KANK1: variants seen among roughly 807,000 people sequenced by gnomAD.
KANK1 encodes KN motif and ankyrin repeat domains 1.
Under a neutral mutation model 106.2 loss-of-function variants are expected in KANK1, and 109 were observed. That is an observed-to-expected ratio of 1.03 (90% confidence interval 0.88 to 1.20). The LOEUF is 1.20. Ranked by LOEUF, KANK1 falls within the 50% of genes most tolerant of loss-of-function variation. The pLI is 0.00. For missense variants in KANK1, 2,399 were observed against 1,710.7 expected (o/e 1.40, Z -7.10); for synonymous variants, 873 against 652.2 (o/e 1.34, Z -5.16).
chr9:740,813 A>G lies in KANK1; in HGVS notation c.3575A>G (p.Gln1192Arg), dbSNP rs1167178306. The change falls in exon 9 of 12, where the codon CAG becomes CGG. Residue 1192 changes from glutamine to arginine, a missense_variant. Transcript: ENST00000382297. ...LDADVCNVDH[Q>R]NKAGYTPIML... The stretch of plus-strand genomic sequence containing the variant: ...ACAGATGTGTGTAATGTGGATCACC[A>G]GAACAAGGCAGGCTACACCCCCATC... 6.2e-7 allele frequency: 1 copy of G among 1,613,084 alleles called. No individual in the cohort carries two copies. The highest frequency in any genetic ancestry group is 8.5e-7 in the Non-Finnish European group (1 of 1,179,900).
chr9:656,220 C>G lies in KANK1; in HGVS notation c.-83-20670C>G, dbSNP rs190841729. On this transcript the variant is annotated intron_variant, in intron 1 of 11. Transcript: ENST00000382297. ...AGGTCCCACAGTCTGGCGCCTTTCC[C>G]AGCGTGGTGGAGTTGAGACCTTGCT... is the stretch of plus-strand genomic sequence containing the variant. Among the ~76,000 whole-genome samples, 210 of 152,210 alleles carry G rather than the reference C, an allele frequency of 1.4e-3. 1 individual carries two copies. Among genetic ancestry groups the G allele is most frequent in the South Asian group, 2.1e-4 (1 of 4,806 alleles).
intron 1 of KANK1, among the ~76,000 whole-genome samples, chr9:659,275 TG>T (rs1206193449): frequency 6.6e-5 from 10 of 152,202 alleles, no homozygotes; most frequent in Non-Finnish European, 1.5e-5. Context: ...TCTTGGCTCT[TG>T]GAGCCTTAGG....
At chr9:476,007 C>T (rs979913583) in intron 3 of KANK1, among the ~76,000 whole-genome samples, 11 of 151,964 alleles carry the variant, frequency 7.2e-5, no homozygotes, top group African/African-American at 2.7e-4. Context: ...TGCCTGCCAC[C>T]ACACCCGGCT....
At chr9:489,230 G>A (rs186039780) in intron 3 of KANK1, among the ~76,000 whole-genome samples, 72 of 151,968 alleles carry the variant, frequency 4.7e-4, no homozygotes, top group Non-Finnish European at 5.6e-4. Flanking sequence ...TGAAATCCTC[G>A]TGCAGTTTGG....
At chr9:617,439 C>T (rs781217177) in intron 1 of KANK1, among the ~76,000 whole-genome samples, 6 of 152,170 alleles carry the variant, frequency 3.9e-5, no homozygotes, top group South Asian at 2.1e-4. Context: ...CATGTTCACA[C>T]GGGTTTATCT....
chr9:612,829 C>G (rs2136188325), intron 1 of KANK1, among the ~76,000 whole-genome samples: 1 of 152,190 alleles, frequency 6.6e-6, no homozygotes, highest in Middle Eastern at 3.4e-3. Flanking sequence ...CAGCAGCTCT[C>G]CTAATGGGGA....
chr9:497,870 C>T (rs747568091), intron 3 of KANK1, among the ~76,000 whole-genome samples: 1 of 151,990 alleles, frequency 6.6e-6, no homozygotes, highest in Admixed American at 6.6e-5. Context: ...CACACACACA[C>T]ACCCACACAC....
chr9:651,749 T>G (rs1443421749), intron 1 of KANK1, among the ~76,000 whole-genome samples: 1 of 152,236 alleles, frequency 6.6e-6, no homozygotes, highest in African/African-American at 2.4e-5. Flanking sequence ...GATTTTCAGT[T>G]CTTAGACTTG....
intron 3 of KANK1, among the ~76,000 whole-genome samples, chr9:497,272 G>A (rs1305078561): frequency 1.3e-5 from 2 of 152,172 alleles, no homozygotes; most frequent in Non-Finnish European, 2.9e-5. Flanking sequence ...GCAAGGGTGA[G>A]GGAACACACA....
chr9:576,349 C>T (rs941878100), intron 1 of KANK1, among the ~76,000 whole-genome samples: 1 of 152,192 alleles, frequency 6.6e-6, no homozygotes, highest in African/African-American at 2.4e-5. Context: ...TCCTTGAAGG[C>T]CCAGCATAGA....
intron 1 of KANK1, among the ~76,000 whole-genome samples, chr9:629,271 T>C (rs1835099871): frequency 6.6e-6 from 1 of 151,906 alleles, no homozygotes; most frequent in Non-Finnish European, 1.5e-5. Context: ...ATGTTCTTGC[T>C]CCCCCTCCCT....
chr9:553,332 G>A (rs2061389961), intron 1 of KANK1, among the ~76,000 whole-genome samples: 1 of 152,144 alleles, frequency 6.6e-6, no homozygotes, highest in East Asian at 1.9e-4. Context: ...AGCATTGAGG[G>A]CTACTTTGTG....
chr9:580,120 C>G (rs749648410), intron 1 of KANK1, among the ~76,000 whole-genome samples: 2 of 152,152 alleles, frequency 1.3e-5, no homozygotes, highest in Non-Finnish European at 2.9e-5. Flanking sequence ...CTGGTAGGTT[C>G]GTGGTCTCAC....
At chr9:591,869 G>C (rs1824975297) in intron 1 of KANK1, among the ~76,000 whole-genome samples, 1 of 151,648 alleles carries the variant, frequency 6.6e-6, no homozygotes, top group Non-Finnish European at 1.5e-5. Flanking sequence ...GTGTTAGCCA[G>C]GCTGATCTCA....
chr9:592,777 T>C (rs1825288669), intron 1 of KANK1, among the ~76,000 whole-genome samples: 1 of 151,974 alleles, frequency 6.6e-6, no homozygotes, highest in South Asian at 2.1e-4. Context: ...GCAATTTTTG[T>C]AGTTCTTGTT....
intron 2 of KANK1, among the ~76,000 whole-genome samples, chr9:688,409 C>T (rs1403885541): frequency 6.6e-6 from 1 of 152,216 alleles, no homozygotes; most frequent in African/African-American, 2.4e-5. Context: ...AGTTTGAGAT[C>T]TGCCTGGCCA....
chr9:681,578 G>A (rs1377236252), intron 2 of KANK1, among the ~76,000 whole-genome samples: 1 of 152,168 alleles, frequency 6.6e-6, no homozygotes, highest in African/African-American at 2.4e-5. Context: ...TCTTCACAAG[G>A]TGGTTGTGCA....
At chr9:565,160 C>A (rs1284387102) in intron 1 of KANK1, among the ~76,000 whole-genome samples, 1 of 152,216 alleles carries the variant, frequency 6.6e-6, no homozygotes, top group African/African-American at 2.4e-5. Context: ...GGTAAACTTT[C>A]AGCAATTTAA....
At chr9:554,436 T>G (rs904079003) in intron 1 of KANK1, among the ~76,000 whole-genome samples, 1 of 152,242 alleles carries the variant, frequency 6.6e-6, no homozygotes, top group Non-Finnish European at 1.5e-5. Context: ...AGCATCCATG[T>G]TGGCGGTCTT....
Sources: allele counts gnomAD v4.1 joint callset (sites outside exome capture counted in the v4.1 genomes callset), GRCh38; gene constraint gnomAD v4.1.1; transcripts MANE v1.5; gene names NCBI Gene and HGNC (gene_info 2026-07-23, HGNC 2026-07-21).